L3MBTL4: variants seen among roughly 807,000 people sequenced by gnomAD.
L3MBTL4 encodes lethal(3)malignant brain tumor-like protein 4.
In L3MBTL4, 70 loss-of-function variants were observed where a neutral mutation model predicts 84.5. The observed-to-expected ratio is 0.83, with a 90% CI of 0.68 to 1.01. The LOEUF (loss-of-function observed/expected upper bound fraction) is 1.01, where lower values mean the gene tolerates loss of function less well. Ranked by LOEUF, L3MBTL4 falls within the 50% of genes least tolerant of loss-of-function variation. The probability of loss-of-function intolerance (pLI) is 0.00; values close to 1 mark genes in which losing one functional copy is unlikely to be tolerated. For missense variants in L3MBTL4, 715 were observed against 754.8 expected (o/e 0.95, Z 0.62); for synonymous variants, 274 against 259.8 (o/e 1.05, Z -0.52).
chr18:6,380,056 A>C (rs1291753671), intron 1 of L3MBTL4, among the ~76,000 whole-genome samples: 1 of 152,016 alleles, frequency 6.6e-6, no homozygotes, highest in Non-Finnish European at 1.5e-5. Flanking sequence ...GAGGGTGTAT[A>C]TGTGCAGGAA....
chr18:6,175,054 C>T (rs539419466), intron 12 of L3MBTL4, among the ~76,000 whole-genome samples: 1 of 151,860 alleles, frequency 6.6e-6, no homozygotes, highest in South Asian at 2.1e-4. Context: ...CCTAATTTGG[C>T]CAAAAATACC....
At chr18:6,379,797 G>T (rs1321875679) in intron 1 of L3MBTL4, among the ~76,000 whole-genome samples, 5 of 152,162 alleles carry the variant, frequency 3.3e-5, no homozygotes, top group Non-Finnish European at 5.9e-5. Context: ...TTTTGTCTCT[G>T]CCAGGTTTTG....
At chr18:6,235,104 T>C (rs1599270444) in intron 10 of L3MBTL4, among the ~76,000 whole-genome samples, 1 of 151,936 alleles carries the variant, frequency 6.6e-6, no homozygotes, top group East Asian at 1.9e-4. Flanking sequence ...CACTCATAGG[T>C]GGGAATTGAA....
intron 14 of L3MBTL4, among the ~76,000 whole-genome samples, chr18:6,093,909 G>C (rs1156651477): frequency 6.6e-6 from 1 of 152,126 alleles, no homozygotes; most frequent in Non-Finnish European, 1.5e-5. Context: ...AAAGACTATG[G>C]GTAACTAAGC....
At chr18:6,164,962 T>A (rs1217961133) in intron 13 of L3MBTL4, among the ~76,000 whole-genome samples, 2 of 152,190 alleles carry the variant, frequency 1.3e-5, no homozygotes, top group African/African-American at 2.4e-5. Flanking sequence ...CTAACTAGAA[T>A]AATCAACGTG....
At chr18:6,305,883 G>A (rs1482867913) in intron 3 of L3MBTL4, among the ~76,000 whole-genome samples, 1 of 152,098 alleles carries the variant, frequency 6.6e-6, no homozygotes, top group African/African-American at 2.4e-5. Context: ...TCCAATCAAG[G>A]GAACAAAACA....
intron 14 of L3MBTL4, among the ~76,000 whole-genome samples, chr18:6,112,952 G>T (rs2059239471): frequency 6.6e-6 from 1 of 152,122 alleles, no homozygotes; most frequent in Non-Finnish European, 1.5e-5. Flanking sequence ...ATTAGGGGGA[G>T]AAATTGCCTC....
intron 12 of L3MBTL4, 134 bp downstream of exon 12, chr18:6,213,015 C>T (rs868341262): frequency 7.1e-6 from 4 of 561,560 alleles, no homozygotes; most frequent in African/African-American, 1.9e-5. Context: ...AAATCCAGAA[C>T]GCTTTTCCCC....
chr18:6,187,350 G>A (rs572542583), intron 12 of L3MBTL4, among the ~76,000 whole-genome samples: 1 of 152,078 alleles, frequency 6.6e-6, no homozygotes, highest in African/African-American at 2.4e-5. Context: ...AACATTACTC[G>A]AATTCCAAAG....
rs570067276 is a variant in L3MBTL4 at position 6,045,476 on chromosome 18, C to T, written c.1444+35405G>A. On this transcript the variant is annotated intron_variant, in intron 16 of 18. Transcript: ENST00000317931. ...GAAGTTTATTGGACTTACAGTTCCA[C>T]GTGGCTGGGGAGGCCTCATAATTAC... is the stretch of plus-strand genomic sequence containing the variant. Among the ~76,000 whole-genome samples, 4 of 152,284 alleles carry T rather than the reference C, an allele frequency of 2.6e-5. 1 individual carries two copies. In the South Asian group the frequency reaches 8.3e-4, roughly 32 times the overall value.
chr18:6,063,794 C>T (rs1041819774), intron 16 of L3MBTL4, among the ~76,000 whole-genome samples: 3 of 151,928 alleles, frequency 2.0e-5, no homozygotes, highest in Admixed American at 1.3e-4. Flanking sequence ...TATTTTCTCC[C>T]ACTCTGTAGG....
chr18:6,135,827 A>G (rs1165493360), intron 14 of L3MBTL4, among the ~76,000 whole-genome samples: 2 of 152,190 alleles, frequency 1.3e-5, no homozygotes. Flanking sequence ...CACAGTTCCA[A>G]AGTTGTTTCC....
intron 16 of L3MBTL4, among the ~76,000 whole-genome samples, chr18:6,072,702 A>C (rs1342884667): frequency 2.3e-3 from 337 of 147,748 alleles, no homozygotes; most frequent in East Asian, 3.2e-3. Flanking sequence ...ACACACAAAA[A>C]AAAATTAGCT....
chr18:6,191,148 T>G (rs1037225911), intron 12 of L3MBTL4, among the ~76,000 whole-genome samples: 1 of 152,160 alleles, frequency 6.6e-6, no homozygotes, highest in African/African-American at 2.4e-5. Context: ...GACTTGTGTT[T>G]TACAAGAACC....
chr18:6,155,601 C>A (rs546645959), intron 13 of L3MBTL4, among the ~76,000 whole-genome samples: 16 of 152,298 alleles, frequency 1.1e-4, no homozygotes, highest in African/African-American at 3.8e-4. Flanking sequence ...AAACTTACTG[C>A]TTTGCTAAGG....
chr18:6,194,938 A>C (rs1220441208), intron 12 of L3MBTL4, among the ~76,000 whole-genome samples: 2 of 152,248 alleles, frequency 1.3e-5, no homozygotes, highest in South Asian at 4.1e-4. Context: ...ACAGACCTAC[A>C]TGAAATTGAA....
intron 14 of L3MBTL4, among the ~76,000 whole-genome samples, chr18:6,120,898 A>C (rs1352416928): frequency 6.6e-6 from 1 of 152,158 alleles, no homozygotes; most frequent in Non-Finnish European, 1.5e-5. Flanking sequence ...TTCAAGTAGG[A>C]GCTATTATAA....
chr18:6,170,921 C>T (rs1217172932), intron 13 of L3MBTL4, among the ~76,000 whole-genome samples: 2 of 152,120 alleles, frequency 1.3e-5, no homozygotes, highest in Admixed American at 6.5e-5. Flanking sequence ...GGTACTGGTC[C>T]TATGTGTGCC....
intron 1 of L3MBTL4, among the ~76,000 whole-genome samples, chr18:6,399,544 T>A (rs2055427076): frequency 6.6e-6 from 1 of 152,226 alleles, no homozygotes; most frequent in Non-Finnish European, 1.5e-5. Context: ...CATAACCATT[T>A]ATTTCCAACT....
Sources: gnomAD v4.1 joint callset for allele counts (sites outside exome capture counted in the v4.1 genomes callset) on GRCh38, gnomAD v4.1.1 for gene constraint, MANE v1.5 for transcripts, NCBI Gene and HGNC (gene_info 2026-07-23, HGNC 2026-07-21) for gene names.